Variants in MINAR1 observed in about 807,000 individuals in gnomAD.
MINAR1 encodes membrane integral NOTCH2 associated receptor 1, also known as major intrinsically disordered Notch2-binding receptor 1.
Under a neutral mutation model 65.1 loss-of-function variants are expected in MINAR1, and 40 were observed. The ratio of observed to expected loss-of-function variants is 0.61; its 90% CI spans 0.48 to 0.80. MINAR1 has a LOEUF of 0.80. MINAR1 is among the 30% of genes least tolerant of loss of function. MINAR1 has a pLI of 0.00. For synonymous variants in MINAR1, 482 were observed against 449.1 expected (o/e 1.07, Z -0.93); for missense variants, 1,128 against 1,148.0 (o/e 0.98, Z 0.25).
chr15:79,420,425 A>T, the MINAR1 span: 2 of 152,214 alleles, frequency 1.3e-5, no homozygotes, highest in Non-Finnish European at 2.9e-5. Context: ...AAATTTTTGG[A>T]AAAATAATTA....
chr15:79,451,199 ACTC>A (rs1417344987), intron 1 of MINAR1, among the ~76,000 whole-genome samples: 1 of 151,790 alleles, frequency 6.6e-6, no homozygotes, highest in East Asian at 1.9e-4. Flanking sequence ...GGCTTTTAAA[ACTC>A]CTAAAGACCT....
At chr15:79,466,772 C>T (rs915523636) in intron 3 of MINAR1, among the ~76,000 whole-genome samples, 2 of 152,168 alleles carry the variant, frequency 1.3e-5, no homozygotes, top group Non-Finnish European at 2.9e-5. Context: ...GGACTCTTTA[C>T]AATAGCTGGT....
intron 3 of MINAR1, among the ~76,000 whole-genome samples, chr15:79,466,326 T>C (rs1413495715): frequency 6.6e-6 from 1 of 152,162 alleles, no homozygotes; most frequent in African/African-American, 2.4e-5. Context: ...GCAAACTTTC[T>C]CTGTAAAGGA....
At chr15:79,432,045 G>GT (rs1283326224), upstream of MINAR1, among the ~76,000 whole-genome samples, 3 of 152,106 alleles carry the variant, frequency 2.0e-5, no homozygotes, top group African/African-American at 7.2e-5. Context: ...CGGCGGTGGA[G>GT]AAGCCCAGCC....
At chr15:79,416,671 C>T in the MINAR1 span, 1 of 152,088 alleles carries the variant, frequency 6.6e-6, no homozygotes, top group Non-Finnish European at 1.5e-5. Context: ...GAATAGCAAA[C>T]GGGAAAAGTG....
In MINAR1 at chr15:79,451,099, A is replaced by T. The variant is rs372962557; in HGVS notation, c.-50-4999A>T. Among the ~76,000 whole-genome samples, 7 of 152,272 alleles carry T rather than the reference A, an allele frequency of 4.6e-5. No individual in the cohort carries two copies. The East Asian group carries it at 1.4e-3, about 29-fold the overall frequency. On this transcript the variant is annotated intron_variant, in intron 1 of 3. Transcript: ENST00000305428. ...TCGCTCCTCTCTACCATTAGGCTTC[A>T]ATGCCTTTCACAAACCTCATCCCTC...
chr15:79,424,604 T>A, the MINAR1 span: 2 of 152,194 alleles, frequency 1.3e-5, no homozygotes, highest in Non-Finnish European at 2.9e-5. Context: ...CCAGATAAAA[T>A]TGCATGAAAG....
intron 1 of MINAR1, among the ~76,000 whole-genome samples, chr15:79,436,633 T>A (rs111567032): frequency 0.012 from 1,830 of 152,342 alleles, 39 homozygotes; most frequent in African/African-American, 0.042. Context: ...CATAGGACTG[T>A]GACATGCCAA....
chr15:79,415,842 A>G, the MINAR1 span: 1 of 152,214 alleles, frequency 6.6e-6, no homozygotes, highest in African/African-American at 2.4e-5. Context: ...AGAGACCTGG[A>G]GATAGCTCAG....
chr15:79,437,819 C>T (rs1156894916), intron 1 of MINAR1, among the ~76,000 whole-genome samples: 4 of 4,450 alleles, frequency 9.0e-4, no homozygotes, highest in African/African-American at 7.5e-4. Context: ...GTGTGTGGGG[C>T]GTGGGTGTGT....
At chr15:79,436,178 A>T (rs536302868) in intron 1 of MINAR1, among the ~76,000 whole-genome samples, 1 of 152,192 alleles carries the variant, frequency 6.6e-6, no homozygotes, top group Non-Finnish European at 1.5e-5. Context: ...AACAAACTGA[A>T]ATCTGGGGAT....
intron 1 of MINAR1, among the ~76,000 whole-genome samples, chr15:79,442,922 G>A (rs868241470): frequency 1.6e-4 from 25 of 152,154 alleles, no homozygotes; most frequent in African/African-American, 6.0e-4. Flanking sequence ...TTAAAGAAAA[G>A]AATATGATAT....
chr15:79,447,181 C>T (rs942819050), intron 1 of MINAR1, among the ~76,000 whole-genome samples: 5 of 152,174 alleles, frequency 3.3e-5, no homozygotes, highest in Non-Finnish European at 7.3e-5. Flanking sequence ...AGCCACTGCC[C>T]CCGGCCAGTT....
intron 1 of MINAR1, among the ~76,000 whole-genome samples, chr15:79,455,718 T>G (rs1447470548): frequency 6.6e-6 from 1 of 152,232 alleles, no homozygotes; most frequent in Non-Finnish European, 1.5e-5. Flanking sequence ...TGGTTTGTTC[T>G]TTTTTGCTGA....
intron 3 of MINAR1, among the ~76,000 whole-genome samples, chr15:79,464,878 CCGG>C (rs1895781198): frequency 1.5e-5 from 2 of 130,280 alleles, no homozygotes; most frequent in Non-Finnish European, 3.3e-5. Flanking sequence ...GATTCTCCCT[CCGG>C]TGGAATATTT....
chr15:79,452,237 TGTG>T (rs1284944429), intron 1 of MINAR1, among the ~76,000 whole-genome samples: 1 of 151,198 alleles, frequency 6.6e-6, no homozygotes. Flanking sequence ...ATGAATGTGT[TGTG>T]TGTATGTGCA....
At chr15:79,451,611 A>AT (rs1327067714) in intron 1 of MINAR1, among the ~76,000 whole-genome samples, 1 of 150,820 alleles carries the variant, frequency 6.6e-6, no homozygotes, top group South Asian at 2.1e-4. Flanking sequence ...TGGCCTCATG[A>AT]TTTTCGGATC....
At chr15:79,439,326 G>A (rs1275656619) in intron 1 of MINAR1, among the ~76,000 whole-genome samples, 1 of 63,130 alleles carries the variant, frequency 1.6e-5, no homozygotes, top group African/African-American at 5.3e-5. Flanking sequence ...GATGAGATGT[G>A]GGTGGGGTAG....
chr15:79,426,810 C>T, the MINAR1 span: 3 of 152,346 alleles, frequency 2.0e-5, no homozygotes, highest in Non-Finnish European at 4.4e-5. Context: ...TTTGTGAGCA[C>T]TGGGCTGCAT....
Sources: allele counts gnomAD v4.1 joint callset (sites outside exome capture counted in the v4.1 genomes callset), GRCh38; gene constraint gnomAD v4.1.1; transcripts MANE v1.5; gene names NCBI Gene and HGNC (gene_info 2026-07-23, HGNC 2026-07-21).